Variants in CAMK4 observed in about 807,000 individuals in gnomAD.
CAMK4 encodes the protein calcium/calmodulin dependent protein kinase IV.
In CAMK4, 22 loss-of-function variants were observed where a neutral mutation model predicts 44.9. That is an observed-to-expected ratio of 0.49 (90% CI 0.35 to 0.70). The LOEUF is 0.70. Among genes scored for constraint, CAMK4 ranks in the 30% least tolerant of loss-of-function variants. The pLI is 0.01. For synonymous variants in CAMK4, 218 were observed against 215.4 expected (o/e 1.01, Z -0.11); for missense variants, 498 against 586.8 (o/e 0.85, Z 1.56).
At chr5:111,297,661 C>T (rs1278571352) in intron 1 of CAMK4, among the ~76,000 whole-genome samples, 5 of 152,204 alleles carry the variant, frequency 3.3e-5, no homozygotes, top group Admixed American at 2.0e-4. Flanking sequence ...GCCTCACTCT[C>T]ATTGGCTGGG....
intron 1 of CAMK4, among the ~76,000 whole-genome samples, chr5:111,266,676 G>A (rs1750260296): frequency 6.6e-6 from 1 of 152,142 alleles, no homozygotes; most frequent in Non-Finnish European, 1.5e-5. Flanking sequence ...TACTCGTTTT[G>A]GAGATGTTTT....
intron 1 of CAMK4, among the ~76,000 whole-genome samples, chr5:111,340,961 AT>A (rs1749617020): frequency 6.6e-6 from 1 of 150,654 alleles, no homozygotes; most frequent in Non-Finnish European, 1.5e-5. Context: ...GTATCTAGGA[AT>A]TTATTCATTT....
chr5:111,244,106 C>A (rs1345129896), intron 1 of CAMK4, among the ~76,000 whole-genome samples: 1 of 152,204 alleles, frequency 6.6e-6, no homozygotes, highest in African/African-American at 2.4e-5. Context: ...TTCCTTTCTT[C>A]ACAAGTGCCA....
chr5:111,358,689 A>G (rs1002543093), intron 2 of CAMK4, among the ~76,000 whole-genome samples: 1 of 151,782 alleles, frequency 6.6e-6, no homozygotes, highest in African/African-American at 2.4e-5. Context: ...CTAGTACTCA[A>G]TAGTTATTTT....
intron 2 of CAMK4, among the ~76,000 whole-genome samples, chr5:111,370,239 G>C (rs1750953964): frequency 6.6e-6 from 1 of 152,106 alleles, no homozygotes; most frequent in Non-Finnish European, 1.5e-5. Context: ...CCTGTTCTGA[G>C]TATTTTTTGA....
intron 5 of CAMK4, among the ~76,000 whole-genome samples, chr5:111,417,591 A>G (rs1208301690): frequency 6.6e-6 from 1 of 152,178 alleles, no homozygotes; most frequent in Non-Finnish European, 1.5e-5. Context: ...ACTGGGCTCA[A>G]GTGATCCTCC....
At chr5:111,255,948 A>T (rs930961336) in intron 1 of CAMK4, among the ~76,000 whole-genome samples, 1 of 152,224 alleles carries the variant, frequency 6.6e-6, no homozygotes, top group East Asian at 1.9e-4. Context: ...GATTAAAAAC[A>T]TTTCCCCAAG....
At chr5:111,338,559 G>A (rs561879727) in intron 1 of CAMK4, among the ~76,000 whole-genome samples, 10 of 151,374 alleles carry the variant, frequency 6.6e-5, no homozygotes, top group Non-Finnish European at 1.2e-4. Context: ...GTCCAGAAAG[G>A]TGGTTCCTTG....
intron 7 of CAMK4, among the ~76,000 whole-genome samples, chr5:111,469,140 A>G (rs1297665414): frequency 1.2e-5 from 1 of 81,074 alleles, no homozygotes; most frequent in African/African-American, 5.4e-5. Flanking sequence ...GTGAAACTCC[A>G]TCTCAAAAAA....
intron 6 of CAMK4, among the ~76,000 whole-genome samples, chr5:111,448,754 G>A (rs1366146281): frequency 1.3e-5 from 2 of 152,086 alleles, no homozygotes; most frequent in African/African-American, 2.4e-5. Flanking sequence ...ACAGTAAGCC[G>A]AGATCACGCC....
chr5:111,491,341 C>T lies in CAMK4; in HGVS notation c.*6875C>T, dbSNP rs1407443876. ...CAAAGCCTAAAATGTGTATCTGGAC[C>T]CTTACAGTAAAACAATGACCCTGGG... On this transcript the variant is annotated 3_prime_UTR_variant, in exon 11 of 11. Transcript: ENST00000282356. 1.3e-5 allele frequency: 2 copies of T among 152,082 alleles called. No homozygotes were observed. The highest frequency in any genetic ancestry group is 4.8e-5 in the African/African-American group (2 of 41,416). 9.4% of individuals were successfully genotyped at this position (152,082 alleles called of 1,614,324 possible).
intron 2 of CAMK4, among the ~76,000 whole-genome samples, chr5:111,363,161 T>C (rs1272641800): frequency 1.3e-5 from 2 of 152,074 alleles, no homozygotes; most frequent in Non-Finnish European, 2.9e-5. Flanking sequence ...TAATTTATAT[T>C]TTTCCAAGTG....
chr5:111,273,764 C>T (rs1750641999), intron 1 of CAMK4, among the ~76,000 whole-genome samples: 1 of 145,522 alleles, frequency 6.9e-6, no homozygotes, highest in African/African-American at 2.5e-5. Flanking sequence ...CACATACACA[C>T]ACACATATAT....
intron 7 of CAMK4, among the ~76,000 whole-genome samples, chr5:111,463,755 G>C (rs1754722948): frequency 6.6e-6 from 1 of 152,220 alleles, no homozygotes; most frequent in South Asian, 2.1e-4. Context: ...AAGCACTGCA[G>C]TTTGCCTTTC....
intron 5 of CAMK4, among the ~76,000 whole-genome samples, chr5:111,431,553 A>G (rs1264594126): frequency 6.6e-6 from 1 of 152,150 alleles, no homozygotes; most frequent in Non-Finnish European, 1.5e-5. Flanking sequence ...AAAAGGATAC[A>G]GTCAAGAAAG....
At chr5:111,443,354 A>T (rs919330302) in intron 5 of CAMK4, among the ~76,000 whole-genome samples, 1 of 143,266 alleles carries the variant, frequency 7.0e-6, no homozygotes, top group Non-Finnish European at 1.5e-5. Context: ...TATACTATAT[A>T]TATAGTATAT....
rs143248571 is a variant in CAMK4, at chr5:111,308,502, A to T, written c.162-35522A>T. Among the ~76,000 whole-genome samples, 212 of 152,326 alleles carry T rather than the reference A, an allele frequency of 1.4e-3. 6 individuals are homozygous for T. In the East Asian group the frequency reaches 0.033, roughly 24 times the overall value. On this transcript the variant is annotated intron_variant, in intron 1 of 10. Coordinates refer to ENST00000282356, the MANE Select transcript of CAMK4 (RefSeq NM_001744.6). ...TGTAGTTATTACTTTTCATTCAAAG[A>T]TATTTATCTACAAGCTACAAAATTT...
At chr5:111,347,335 A>G (rs1477987567) in intron 2 of CAMK4, among the ~76,000 whole-genome samples, 1 of 152,052 alleles carries the variant, frequency 6.6e-6, no homozygotes, top group African/African-American at 2.4e-5. Flanking sequence ...AGGTTTCTGA[A>G]TAACAGCTCA....
chr5:111,339,089 A>G (rs1380148999), intron 1 of CAMK4, among the ~76,000 whole-genome samples: 2 of 151,118 alleles, frequency 1.3e-5, no homozygotes, highest in East Asian at 2.0e-4. Context: ...GTTTTTTACT[A>G]TTGATGTGTT....
Sources: allele counts gnomAD v4.1 joint callset (sites outside exome capture counted in the v4.1 genomes callset), GRCh38; gene constraint gnomAD v4.1.1; transcripts MANE v1.5; gene names NCBI Gene and HGNC (gene_info 2026-07-23, HGNC 2026-07-21).